Variants in CCDC92B observed in about 807,000 individuals in gnomAD.
CCDC92B encodes coiled-coil domain-containing 92B.
CCDC92B carries 2 observed loss-of-function variants against 5.6 expected under a neutral mutation model. The observed-to-expected ratio is 0.36, with a 90% confidence interval of 0.15 to 1.12. The LOEUF is 1.12. Among genes scored for constraint, CCDC92B ranks in the 50% most tolerant of loss-of-function variants. The probability of loss-of-function intolerance (pLI) is 0.40; values close to 1 mark genes in which losing one functional copy is unlikely to be tolerated. For synonymous variants in CCDC92B, 115 were observed against 122.3 expected (o/e 0.94, Z 0.39); for missense variants, 271 against 262.2 (o/e 1.03, Z -0.23).
At chr17:2,740,702 C>T (rs2070915767) in intron 1 of CCDC92B, among the ~76,000 whole-genome samples, 2 of 151,712 alleles carry the variant, frequency 1.3e-5, no homozygotes, top group Admixed American at 6.6e-5. Flanking sequence ...ATAAGAGCCC[C>T]GAGCAGAGGA....
At chr17:2,748,370 G>T (rs989675353) in intron 1 of CCDC92B, 1 of 984,786 alleles carries the variant, frequency 1.0e-6, no homozygotes, top group Non-Finnish European at 1.2e-6. Flanking sequence ...TGTTCCCCAG[G>T]CAATTTGTTG....
chr17:2,724,478 T>C lies in CCDC92B; in HGVS notation c.701A>G (p.Glu234Gly). 1 of 980,252 alleles carries C rather than the reference T, an allele frequency of 1.0e-6. No homozygotes were observed. The allele number at this position is 980,252 out of a possible 1,614,324, so 60.7% of individuals were successfully genotyped here. Residue 234 changes from glutamate (E) to glycine (G), a missense_variant, in exon 4 of 4, where the codon GAG becomes GGG. Glu to Gly is a moderately conservative substitution (Grantham distance 98). Transcript: ENST00000614400. The surrounding 1 kb of genome is among the most constrained non-coding windows in gnomAD (Gnocchi z 5.0). The stretch of plus-strand genomic sequence containing the variant: ...CTGCGGGCCGGCTCGGTCCGGGGGC[T>C]CCTGGGGAGGCGGCTGGCGCGGGCT... ...ARSPRQPPPQ[E>G]PPDRAGPQPA... is the part of the protein sequence containing the mutation.
chr17:2,735,248 C>T, intron 1 of CCDC92B, 80 bp from the exon 2 acceptor site: 1 of 930,806 alleles, frequency 1.1e-6, no homozygotes, highest in Non-Finnish European at 1.3e-6. Flanking sequence ...ACTGTCTCCT[C>T]CGCTCTAGGT....
In CCDC92B at chr17:2,724,422, C is replaced by A. The variant is rs1243485035; in HGVS notation, c.757G>T (p.Asp253Tyr). 3 of 984,582 alleles carry A rather than the reference C, an allele frequency of 3.0e-6. No homozygotes were observed. The highest frequency in any genetic ancestry group is 6.2e-5 in the Admixed American group (1 of 16,196). The allele number at this position is 984,582 out of a possible 1,614,324, so 61.0% of individuals were successfully genotyped here. A position where few individuals can be genotyped will look rare whatever the true frequency, so the allele number is the denominator to read the frequency against. ...PAPSQPSAPG[D>Y]PE ...GGCCAGCCTGGCGCCTACTCCGGGT[C>A]CCCGGGCGCGCTGGGCTGGCTGGGC... The change falls in exon 4 of 4, where the codon GAC (aspartate) becomes TAC (tyrosine). Residue 253 changes from aspartate to tyrosine, a missense_variant. Transcript: ENST00000614400. The surrounding 1 kb of genome is among the most constrained non-coding windows in gnomAD (Gnocchi z 5.0).
intron 1 of CCDC92B, 81 bp from the exon 2 acceptor site, chr17:2,735,249 C>T (rs997553131): frequency 9.7e-6 from 9 of 924,124 alleles, no homozygotes; most frequent in East Asian, 1.2e-4. Flanking sequence ...CTGTCTCCTC[C>T]GCTCTAGGTC....
At chr17:2,729,060 CAG>C (rs1371944227) in intron 3 of CCDC92B, among the ~76,000 whole-genome samples, 3 of 152,010 alleles carry the variant, frequency 2.0e-5, no homozygotes, top group Non-Finnish European at 2.9e-5. Flanking sequence ...ATGGTAGGGA[CAG>C]AGTCTTACTA....
intron 1 of CCDC92B, among the ~76,000 whole-genome samples, chr17:2,744,158 G>C (rs933410722): frequency 1.3e-5 from 2 of 152,038 alleles, no homozygotes; most frequent in African/African-American, 4.8e-5. Context: ...TTACAGGTGT[G>C]AGCCACGGCG....
chr17:2,733,077 AC>A lies in CCDC92B; in HGVS notation c.130+1938del, dbSNP rs567206483. ...AAATAAATAACTAGTAAAAAAAAAA[AC>A]CAAGGGGTTTCAGGCCCATACCCAT... On this transcript the variant is annotated intron_variant, in intron 2 of 3. Coordinates refer to ENST00000614400, the MANE Select transcript of CCDC92B (RefSeq NM_001355573.2). Among the ~76,000 whole-genome samples the A allele has an allele frequency of 1.9e-3, 281 of 150,614 alleles. 1 individual carries two copies. Among genetic ancestry groups the A allele is most frequent in the African/African-American group, 6.3e-3 (260 of 41,266 alleles).
chr17:2,738,930 G>A (rs1303350482), intron 1 of CCDC92B, among the ~76,000 whole-genome samples: 1 of 151,630 alleles, frequency 6.6e-6, no homozygotes, highest in African/African-American at 2.4e-5. Flanking sequence ...AATCAGCCGG[G>A]CATGGTGGCA....
At chr17:2,736,100 T>G (rs1451336229) in intron 1 of CCDC92B, among the ~76,000 whole-genome samples, 1 of 152,140 alleles carries the variant, frequency 6.6e-6, no homozygotes, top group Non-Finnish European at 1.5e-5. Flanking sequence ...TAACACTGAC[T>G]CTGGGCTGAA....
chr17:2,743,317 G>A (rs1422931615), intron 1 of CCDC92B, among the ~76,000 whole-genome samples: 3 of 152,180 alleles, frequency 2.0e-5, no homozygotes, highest in African/African-American at 7.2e-5. Context: ...TGTAGTCCCA[G>A]CTACTTGGGA....
At chr17:2,728,423 C>T (rs1312780118) in intron 3 of CCDC92B, among the ~76,000 whole-genome samples, 11 of 151,634 alleles carry the variant, frequency 7.3e-5, no homozygotes, top group African/African-American at 2.4e-4. Context: ...CTGGCTAACA[C>T]GGTGAAACCC....
intron 2 of CCDC92B, among the ~76,000 whole-genome samples, chr17:2,733,651 C>A (rs948141529): frequency 6.6e-6 from 1 of 151,156 alleles, no homozygotes; most frequent in Non-Finnish European, 1.5e-5. Flanking sequence ...CTGGCCTCTG[C>A]TCCCGTCCAA....
At chr17:2,733,118 G>A (rs574556628) in intron 2 of CCDC92B, among the ~76,000 whole-genome samples, 3 of 151,336 alleles carry the variant, frequency 2.0e-5, no homozygotes, top group South Asian at 2.1e-4. Flanking sequence ...GAAGCATGGC[G>A]TGGGTGAGGG....
In CCDC92B at chr17:2,724,052, T is replaced by C. The variant is rs966199855; in HGVS notation, c.*359A>G. ...CCCTTTCCGTAGGCGAGCCCAGCCC[T>C]CCCCACCCCACCAAGGATTGTCGGC... is the stretch of plus-strand genomic sequence containing the variant. On this transcript the variant is annotated 3_prime_UTR_variant, in exon 4 of 4. Coordinates refer to ENST00000614400, the MANE Select transcript of CCDC92B (RefSeq NM_001355573.2). The surrounding 1 kb of genome is among the most constrained non-coding windows in gnomAD (Gnocchi z 5.0). 3.9e-5 allele frequency: 16 copies of C among 414,716 alleles called. No individual in the cohort carries two copies. Among genetic ancestry groups the C allele is most frequent in the Non-Finnish European group, 5.1e-5 (16 of 313,050 alleles). 25.7% of individuals were successfully genotyped at this position (414,716 alleles called of 1,614,324 possible).
At chr17:2,731,940 T>C (rs1021664595) in intron 2 of CCDC92B, among the ~76,000 whole-genome samples, 25 of 152,218 alleles carry the variant, frequency 1.6e-4, no homozygotes, top group African/African-American at 5.8e-4. Context: ...AGCTGGGCTA[T>C]AGATGAGCGT....
At chr17:2,725,505 C>G (rs143220052) in intron 3 of CCDC92B, among the ~76,000 whole-genome samples, 1 of 151,730 alleles carries the variant, frequency 6.6e-6, no homozygotes, top group Non-Finnish European at 1.5e-5. Flanking sequence ...GTTCCGCCCT[C>G]GTACCTACTC....
chr17:2,724,669 T>C lies in CCDC92B; in HGVS notation c.510A>G (p.Ala170=), dbSNP rs2070702877. Residue 170 remains alanine, a synonymous_variant, in exon 4 of 4, where the codon GCA becomes GCG. Coordinates refer to ENST00000614400, the MANE Select transcript of CCDC92B (RefSeq NM_001355573.2). This position sits in a 1 kb window ranked among gnomAD's most constrained non-coding sequence, Gnocchi z 5.0. ...CAGCAGGCGGGCGGCGGGCTCGCAG[T>C]GCGCGGCGGCGTGGCCTGGGCTCGG... ...ATAEPRPRRR[A]LRARRPPAAH... is the part of the protein sequence containing the mutation. 4 of 981,408 alleles carry C rather than the reference T, an allele frequency of 4.1e-6. No individual in the cohort carries two copies. The highest frequency in any genetic ancestry group is 6.3e-5 in the Admixed American group (1 of 15,862). The allele number at this position is 981,408 out of a possible 1,614,324, so 60.8% of individuals were successfully genotyped here.
intron 1 of CCDC92B, among the ~76,000 whole-genome samples, chr17:2,736,529 G>C (rs923497318): frequency 3.9e-5 from 6 of 151,998 alleles, no homozygotes; most frequent in Admixed American, 6.6e-5. Context: ...GGAAGACTGC[G>C]TGAGTCCAGG....
Sources: allele counts gnomAD v4.1 joint callset (sites outside exome capture counted in the v4.1 genomes callset), GRCh38; gene constraint gnomAD v4.1.1; non-coding constraint Gnocchi (gnomAD v3.1); transcripts MANE v1.5; gene names NCBI Gene and HGNC (gene_info 2026-07-23, HGNC 2026-07-21).